IQSEC3: variants seen among roughly 807,000 people sequenced by gnomAD.
IQSEC3 encodes IQ motif and Sec7 domain ArfGEF 3, also known as IQ motif and SEC7 domain-containing protein 3.
A neutral mutation model predicts 105.4 loss-of-function variants in IQSEC3; 50 were observed. That is an observed-to-expected ratio of 0.47 (90% confidence interval 0.38 to 0.60). The LOEUF (loss-of-function observed/expected upper bound fraction) is 0.60, where lower values mean the gene tolerates loss of function less well. Ranked by LOEUF, IQSEC3 falls within the 20% of genes least tolerant of loss-of-function variation. IQSEC3 has a pLI of 0.00. For missense variants in IQSEC3, 1,415 were observed against 1,630.0 expected (o/e 0.87, Z 2.27); for synonymous variants, 708 against 746.0 (o/e 0.95, Z 0.83).
chr12:146,317 G>A (rs539340016), intron 5 of IQSEC3, among the ~76,000 whole-genome samples: 1 of 152,296 alleles, frequency 6.6e-6, no homozygotes, highest in Admixed American at 6.5e-5. Context: ...GTGTCCGGAG[G>A]AGATAAAAAG....
chr12:163,673 TG>T lies in IQSEC3; in HGVS notation c.2709+56del, dbSNP rs372759653. The stretch of plus-strand genomic sequence containing the variant: ...TGGGCTGGGGCTGCCTCTGCCGCCC[TG>T]GTCAGCCTGGGCAGGGTCCCTGAAG... On this transcript the variant is annotated intron_variant, in intron 9 of 13. Transcript: ENST00000538872. 1,658 of 1,016,734 alleles carry T rather than the reference TG, an allele frequency of 1.6e-3. 31 individuals carry two copies. In the South Asian group the frequency reaches 0.021, roughly 13 times the overall value. 63.0% of individuals were successfully genotyped at this position (1,016,734 alleles called of 1,614,324 possible).
intron 5 of IQSEC3, among the ~76,000 whole-genome samples, chr12:151,388 A>G (rs1053333841): frequency 4.6e-5 from 7 of 152,116 alleles, no homozygotes; most frequent in Non-Finnish European, 7.4e-5. Flanking sequence ...CACTTCCCAC[A>G]TTCCCTGCAC....
intron 1 of IQSEC3, among the ~76,000 whole-genome samples, chr12:80,990 A>G (rs1430958118): frequency 6.6e-6 from 1 of 152,128 alleles, no homozygotes; most frequent in Non-Finnish European, 1.5e-5. Flanking sequence ...AGTCAGAGAG[A>G]TTGTTGGGGC....
intron 7 of IQSEC3, among the ~76,000 whole-genome samples, chr12:159,843 C>T (rs570150357): frequency 7.2e-5 from 11 of 152,334 alleles, no homozygotes; most frequent in African/African-American, 2.6e-4. Context: ...GACTCTCTTT[C>T]TTGAACTCCT....
At chr12:123,294 C>A (rs140771605) in intron 2 of IQSEC3, among the ~76,000 whole-genome samples, 2 of 151,888 alleles carry the variant, frequency 1.3e-5, no homozygotes, top group African/African-American at 2.4e-5. Context: ...ACCTGTAGCC[C>A]GGTGTGGTGG....
Position 82,758 on chromosome 12 carries a change from G to A in IQSEC3, c.554+15322G>A, listed in dbSNP as rs539190650. ...GGCTCCATTCTGTATTCCAAGCAAC[G>A]TGAGGTTGCTTGTGCAGATTCACAC... is the stretch of plus-strand genomic sequence containing the variant. On this transcript the variant is annotated intron_variant, in intron 1 of 13. Transcript: ENST00000538872. Among the ~76,000 whole-genome samples, 8 of 152,308 alleles carry A rather than the reference G, an allele frequency of 5.3e-5. No homozygotes were observed. The South Asian group carries it at 1.0e-3, about 20-fold the overall frequency.
intron 7 of IQSEC3, among the ~76,000 whole-genome samples, chr12:158,795 A>T (rs1866787431): frequency 6.6e-6 from 1 of 152,098 alleles, no homozygotes; most frequent in Non-Finnish European, 1.5e-5. Flanking sequence ...AGTAGCCGGG[A>T]TTACAGGTGT....
chr12:165,267 A>C (rs1273398824), intron 9 of IQSEC3, 167 bp from the exon 10 acceptor site: 15 of 633,196 alleles, frequency 2.4e-5, no homozygotes, highest in Non-Finnish European at 4.0e-5. Context: ...TGCAGTGAAG[A>C]AGCACATTTT....
chr12:99,141 C>T lies in IQSEC3; in HGVS notation c.555-5C>T, dbSNP rs572999149. On this transcript the variant is annotated splice_region_variant and splice_polypyrimidine_tract_variant and intron_variant, in intron 1 of 13. Transcript: ENST00000538872. ...CGCTCTGATCTCCCTCTGCTCTGCC[C>T]GCAGGAATGAGACCGTGCTGCACCA... is the stretch of plus-strand genomic sequence containing the variant. The T allele has an allele frequency of 6.8e-5, 108 of 1,598,182 alleles. No homozygotes were observed. Among genetic ancestry groups the T allele is most frequent in the Non-Finnish European group, 8.1e-5 (96 of 1,179,346 alleles).
At chr12:120,312 C>T (rs917410760) in intron 2 of IQSEC3, among the ~76,000 whole-genome samples, 5 of 151,974 alleles carry the variant, frequency 3.3e-5, no homozygotes, top group East Asian at 1.9e-4. Context: ...AATCATAAAG[C>T]GGGATGGTGG....
chr12:173,862 G>A (rs1430408028), intron 13 of IQSEC3, among the ~76,000 whole-genome samples: 21 of 152,172 alleles, frequency 1.4e-4, no homozygotes, highest in Admixed American at 1.4e-3. Context: ...GGGGGCTCAT[G>A]AGCATCATCT....
At chr12:131,036 C>T (rs1260711125) in intron 3 of IQSEC3, among the ~76,000 whole-genome samples, 3 of 24,244 alleles carry the variant, frequency 1.2e-4, no homozygotes, top group Admixed American at 4.3e-4. Flanking sequence ...CCACACCTGG[C>T]CCCCGCTCCT....
intron 5 of IQSEC3, chr12:141,564 C>T: frequency 2.5e-6 from 1 of 399,652 alleles, no homozygotes; most frequent in Non-Finnish European, 4.5e-6. Context: ...CCCTTTCTGC[C>T]TGTCACTCTC....
chr12:157,676 T>C lies in IQSEC3; in HGVS notation c.2425T>C (p.Phe809Leu). ...KPDRKMMLED[F>L]IRNLRGVDDG... ...TGACCGGAAGATGATGCTGGAGGAC[T>C]TCATCCGAAACCTTCGAGGTGAGGA... Residue 809 changes from phenylalanine to leucine, a missense_variant, in exon 7 of 14, where the codon TTC becomes CTC. By Grantham distance (22) the Phe-to-Leu change is conservative. Coordinates refer to ENST00000538872, the MANE Select transcript of IQSEC3 (RefSeq NM_001170738.2). 6.2e-7 allele frequency: 1 copy of C among 1,613,456 alleles called. No individual in the cohort carries two copies. The highest frequency in any genetic ancestry group is 8.5e-7 in the Non-Finnish European group (1 of 1,179,592).
At chr12:171,881 A>G (rs1268068913) in intron 13 of IQSEC3, among the ~76,000 whole-genome samples, 10 of 152,076 alleles carry the variant, frequency 6.6e-5, no homozygotes, top group Non-Finnish European at 1.5e-4. Flanking sequence ...TCCATGCCAT[A>G]CAGTGAGGGA....
At chr12:171,518 T>C (rs1555100318) in intron 13 of IQSEC3, 2 of 603,744 alleles carry the variant, frequency 3.3e-6, no homozygotes, top group Non-Finnish European at 5.9e-6. Flanking sequence ...GCTCCCCCAG[T>C]ACTTGCTGTA....
intron 4 of IQSEC3, chr12:140,270 G>C (rs1277335638): frequency 6.6e-6 from 1 of 151,346 alleles, no homozygotes; most frequent in East Asian, 2.0e-4. Flanking sequence ...TCTTCCAGCA[G>C]TATCTACACA....
chr12:154,375 C>A (rs1481202136), intron 5 of IQSEC3, among the ~76,000 whole-genome samples: 4 of 152,328 alleles, frequency 2.6e-5, no homozygotes, highest in African/African-American at 9.6e-5. Context: ...CCCACCATTG[C>A]AGGGTGAGAC....
chr12:154,094 C>T (rs997054371), intron 5 of IQSEC3, among the ~76,000 whole-genome samples: 1 of 152,188 alleles, frequency 6.6e-6, no homozygotes, highest in Non-Finnish European at 1.5e-5. Context: ...CTCCCCGCTT[C>T]GAGGCCCACG....
Sources: gnomAD v4.1 joint callset for allele counts (sites outside exome capture counted in the v4.1 genomes callset) on GRCh38, gnomAD v4.1.1 for gene constraint, MANE v1.5 for transcripts, NCBI Gene and HGNC (gene_info 2026-07-23, HGNC 2026-07-21) for gene names.